L2HGDH: variants seen among roughly 807,000 people sequenced by gnomAD.
The protein encoded by L2HGDH is L-2-hydroxyglutarate dehydrogenase, mitochondrial.
L2HGDH carries 34 observed loss-of-function variants against 51.5 expected under a neutral mutation model. The ratio of observed to expected loss-of-function variants is 0.66; its 90% CI spans 0.50 to 0.88. The LOEUF (loss-of-function observed/expected upper bound fraction) is 0.88. Ranked by LOEUF, L2HGDH falls within the 40% of genes least tolerant of loss-of-function variation. The pLI is 0.00. For missense variants in L2HGDH, 558 were observed against 571.9 expected, an observed-to-expected ratio of 0.98 and a Z score of 0.25; for synonymous variants, 198 against 197.9, an observed-to-expected ratio of 1.00 and a Z score of -0.01.
At chr14:50,303,074 T>C (rs1469926273) in intron 1 of L2HGDH, 57 bp from the exon 2 acceptor site, 2 of 1,024,908 alleles carry the variant, frequency 2.0e-6, no homozygotes, top group African/African-American at 3.1e-5. Context: ...CTCGCCAAAC[T>C]TCACATGCAT....
Position 50,282,665 on chromosome 14 carries a change from AT to A in L2HGDH, c.703+1205del, listed in dbSNP as rs1890336302. Among the ~76,000 whole-genome samples, 2 of 152,212 alleles carry A rather than the reference AT, an allele frequency of 1.3e-5. 1 individual carries two copies. The highest frequency in any genetic ancestry group is 4.1e-4 in the South Asian group (2 of 4,832). The stretch of plus-strand genomic sequence containing the variant: ...GTGCCTGTTTTCTCACCCTAAAAAA[AT>A]GTGAGTAATAATGGTACCCTGCCAC... On this transcript the variant is annotated intron_variant, in intron 5 of 9. Transcript: ENST00000267436.
chr14:50,243,568 C>T lies in L2HGDH; in HGVS notation c.*3490G>A. On this transcript the variant is annotated 3_prime_UTR_variant, in exon 10 of 10. Transcript: ENST00000267436. ...TTATATCAGTATTAAACAAAAAAAC[C>T]CTATTGACATACATATAAAACGTTT... is the stretch of plus-strand genomic sequence containing the variant. 1.3e-6 allele frequency: 1 copy of T among 786,606 alleles called. No homozygotes were observed. The allele number at this position is 786,606 out of a possible 1,614,324, so 48.7% of individuals were successfully genotyped here. A position where few individuals can be genotyped will look rare whatever the true frequency, so the allele number is the denominator to read the frequency against.
chr14:50,311,580 GA>G (rs1384772127), intron 1 of L2HGDH: 4 of 427,224 alleles, frequency 9.4e-6, no homozygotes, highest in Middle Eastern at 3.8e-4. Flanking sequence ...ACTGATTTAA[GA>G]CTGTATTCAG....
At chr14:50,255,529 T>TC (rs1218278494) in intron 9 of L2HGDH, among the ~76,000 whole-genome samples, 1 of 85,422 alleles carries the variant, frequency 1.2e-5, no homozygotes, top group Non-Finnish European at 2.2e-5. Context: ...AGAGCGAAAC[T>TC]CCATCTCCAA....
At chr14:50,311,201 T>TA (rs1362012065) in intron 1 of L2HGDH, 1 of 374,024 alleles carries the variant, frequency 2.7e-6, no homozygotes, top group African/African-American at 2.1e-5. Context: ...CTCGGCCTCC[T>TA]AAAGCGTAGC....
chr14:50,308,331 G>A (rs1454225410), intron 1 of L2HGDH, among the ~76,000 whole-genome samples: 1 of 151,436 alleles, frequency 6.6e-6, no homozygotes, highest in African/African-American at 2.4e-5. Flanking sequence ...CCTCTGCGGT[G>A]AGCCGAGACC....
intron 3 of L2HGDH, among the ~76,000 whole-genome samples, chr14:50,295,745 CT>C (rs58353838): frequency 0.033 from 4,358 of 131,416 alleles, 180 homozygotes; most frequent in African/African-American, 0.1. Flanking sequence ...TTCATAGCAT[CT>C]TTTTTTTTTT....
At chr14:50,302,243 A>G in intron 2 of L2HGDH, 75 bp from the exon 3 acceptor site, 1 of 1,494,378 alleles carries the variant, frequency 6.7e-7, no homozygotes, top group Non-Finnish European at 9.3e-7. Context: ...GAACAAACTT[A>G]TAGTTGAAGC....
At chr14:50,258,754 C>A (rs2139951114) in intron 9 of L2HGDH, among the ~76,000 whole-genome samples, 1 of 152,122 alleles carries the variant, frequency 6.6e-6, no homozygotes, top group South Asian at 2.1e-4. Context: ...CCTCAAGAAT[C>A]CTCCTGATTC....
intron 1 of L2HGDH, among the ~76,000 whole-genome samples, chr14:50,306,457 T>C (rs1399658190): frequency 2.0e-5 from 3 of 152,218 alleles, no homozygotes; most frequent in Non-Finnish European, 4.4e-5. Flanking sequence ...AGTTCAACTA[T>C]GATGCTATGT....
At chr14:50,299,475 G>A (rs1230396472) in intron 3 of L2HGDH, among the ~76,000 whole-genome samples, 4 of 152,106 alleles carry the variant, frequency 2.6e-5, no homozygotes, top group Non-Finnish European at 5.9e-5. Context: ...CATTCCATGA[G>A]GCTGGTATTA....
At position 50,243,178 on chromosome 14, in the gene L2HGDH, A is replaced by G. The variant is rs1266664336; in HGVS notation, c.*3880T>C. The G allele has an allele frequency of 1.0e-6, 1 of 985,268 alleles. No individual in the cohort carries two copies. Among genetic ancestry groups the G allele is most frequent in the Non-Finnish European group, 1.2e-6 (1 of 829,882 alleles). 61.0% of individuals were successfully genotyped at this position (985,268 alleles called of 1,614,324 possible). On this transcript the variant is annotated 3_prime_UTR_variant, in exon 10 of 10. Coordinates refer to ENST00000267436, the MANE Select transcript of L2HGDH (RefSeq NM_024884.3). ...AGAGGATCAAGGGAAGGACTTTGAT[A>G]TACACATATATGTATGGATAAAAGA...
At chr14:50,263,465 C>T (rs1889154466) in intron 9 of L2HGDH, among the ~76,000 whole-genome samples, 1 of 152,204 alleles carries the variant, frequency 6.6e-6, no homozygotes, top group Non-Finnish European at 1.5e-5. Context: ...GAGGACGCTC[C>T]CCTAAGAGAG....
At chr14:50,307,172 C>G (rs1305504256) in intron 1 of L2HGDH, among the ~76,000 whole-genome samples, 1 of 152,144 alleles carries the variant, frequency 6.6e-6, no homozygotes, top group Non-Finnish European at 1.5e-5. Context: ...AGACCTTCCA[C>G]TTAGAATTAT....
chr14:50,266,403 G>C (rs971262005), intron 8 of L2HGDH, among the ~76,000 whole-genome samples: 1 of 152,182 alleles, frequency 6.6e-6, no homozygotes, highest in African/African-American at 2.4e-5. Flanking sequence ...AGCACTTTGG[G>C]AGGCCAAGGC....
At chr14:50,309,241 A>C (rs2030910164) in intron 1 of L2HGDH, among the ~76,000 whole-genome samples, 1 of 152,156 alleles carries the variant, frequency 6.6e-6, no homozygotes, top group African/African-American at 2.4e-5. Context: ...CCTTTTTCTA[A>C]AAGTTTTATA....
intron 1 of L2HGDH, 44 bp from the exon 2 acceptor site, chr14:50,303,061 G>A: frequency 1.7e-6 from 2 of 1,211,292 alleles, no homozygotes; most frequent in Non-Finnish European, 2.5e-6. Context: ...ATTTACAGTA[G>A]ACCTCGCCAA....
At chr14:50,261,993 C>T (rs907271876) in intron 9 of L2HGDH, among the ~76,000 whole-genome samples, 1 of 152,126 alleles carries the variant, frequency 6.6e-6, no homozygotes, top group East Asian at 1.9e-4. Flanking sequence ...GAAACACACC[C>T]CACTGAAAGT....
intron 6 of L2HGDH, among the ~76,000 whole-genome samples, chr14:50,276,089 T>A (rs1005211130): frequency 6.6e-6 from 1 of 152,190 alleles, no homozygotes; most frequent in Admixed American, 6.5e-5. Flanking sequence ...TTGGGGATGA[T>A]AAAGAGGAAT....
Sources: allele counts gnomAD v4.1 joint callset (sites outside exome capture counted in the v4.1 genomes callset), GRCh38; gene constraint gnomAD v4.1.1; transcripts MANE v1.5; gene names NCBI Gene and HGNC (gene_info 2026-07-23, HGNC 2026-07-21).